The following NWD2 variants were observed in gnomAD, a reference collection of about 807,000 sequenced individuals.
The protein encoded by NWD2 is NACHT and WD repeat domain containing 2.
In NWD2, 37 loss-of-function variants were observed where a neutral mutation model predicts 132.7. The ratio of observed to expected loss-of-function variants is 0.28; its 90% CI spans 0.21 to 0.37. The LOEUF (loss-of-function observed/expected upper bound fraction) is 0.37, where lower values mean the gene tolerates loss of function less well. Among genes scored for constraint, NWD2 ranks in the 10% least tolerant of loss-of-function variants. NWD2 has a pLI of 1.00. For missense variants in NWD2, 1,592 were observed against 2,122.4 expected (o/e 0.75, Z 4.91); for synonymous variants, 705 against 803.0 (o/e 0.88, Z 2.06).
intron 1 of NWD2, among the ~76,000 whole-genome samples, chr4:37,261,895 C>T (rs899813088): frequency 6.6e-6 from 1 of 152,088 alleles, no homozygotes; most frequent in East Asian, 1.9e-4. Context: ...AAGGGCAGAA[C>T]CAACCAGATA....
At chr4:37,332,231 C>G (rs1014679671) in intron 2 of NWD2, among the ~76,000 whole-genome samples, 3 of 152,142 alleles carry the variant, frequency 2.0e-5, no homozygotes, top group Admixed American at 2.0e-4. Flanking sequence ...TGCACTACCC[C>G]TCCCCCAACC....
intron 3 of NWD2, among the ~76,000 whole-genome samples, chr4:37,371,394 G>C (rs970062011): frequency 6.6e-6 from 1 of 152,000 alleles, no homozygotes; most frequent in African/African-American, 2.4e-5. Context: ...AATATGTTAA[G>C]CAATAAGTAC....
chr4:37,387,411 A>G (rs1720584526), intron 3 of NWD2, among the ~76,000 whole-genome samples: 2 of 152,084 alleles, frequency 1.3e-5, no homozygotes, highest in Non-Finnish European at 2.9e-5. Flanking sequence ...CTTAGTAGCC[A>G]TTCGGGGCTA....
intron 1 of NWD2, among the ~76,000 whole-genome samples, chr4:37,285,895 A>G (rs1255326361): frequency 1.3e-5 from 2 of 152,242 alleles, no homozygotes; most frequent in African/African-American, 2.4e-5. Context: ...AGTGTCACTT[A>G]TACTGAAAAG....
chr4:37,399,007 T>C (rs926532231), intron 3 of NWD2, among the ~76,000 whole-genome samples: 3 of 152,244 alleles, frequency 2.0e-5, no homozygotes, highest in Non-Finnish European at 4.4e-5. Flanking sequence ...TTTCATCATA[T>C]GATAAAAACG....
rs779654195 is a variant in NWD2, at chr4:37,334,626, T to G, written c.240+8602T>G. Among the ~76,000 whole-genome samples the G allele has an allele frequency of 1.6e-3, 251 of 152,284 alleles. 2 individuals are homozygous for G. Among genetic ancestry groups the G allele is most frequent in the Non-Finnish European group, 5.3e-4 (36 of 68,030 alleles). On this transcript the variant is annotated intron_variant, in intron 2 of 6. Transcript: ENST00000309447. ...AAATCTGTCCCACATGGGCCGCTGG[T>G]ACACTGAGCCAAGATTGAATCCAGT... is the stretch of plus-strand genomic sequence containing the variant.
At chr4:37,361,019 A>G (rs575162752) in intron 3 of NWD2, among the ~76,000 whole-genome samples, 2 of 152,178 alleles carry the variant, frequency 1.3e-5, no homozygotes, top group Non-Finnish European at 2.9e-5. Context: ...CTCAGGGACT[A>G]TACAAAAGAT....
chr4:37,269,505 C>T (rs1717825753), intron 1 of NWD2, among the ~76,000 whole-genome samples: 2 of 151,882 alleles, frequency 1.3e-5, no homozygotes, highest in Admixed American at 6.6e-5. Flanking sequence ...ATGTGCTCTT[C>T]ACCTGTCATT....
chr4:37,358,916 T>G (rs1243802717), intron 3 of NWD2, among the ~76,000 whole-genome samples: 2 of 152,130 alleles, frequency 1.3e-5, no homozygotes, highest in African/African-American at 4.8e-5. Context: ...ACTCAAATAT[T>G]GGAAGACAGG....
chr4:37,374,821 T>C (rs1720311061), intron 3 of NWD2, among the ~76,000 whole-genome samples: 1 of 152,216 alleles, frequency 6.6e-6, no homozygotes, highest in Admixed American at 6.5e-5. Flanking sequence ...ATATATAGTA[T>C]TTTATAAACA....
chr4:37,380,551 G>T (rs1720432430), intron 3 of NWD2, among the ~76,000 whole-genome samples: 1 of 152,082 alleles, frequency 6.6e-6, no homozygotes, highest in African/African-American at 2.4e-5. Context: ...CTTAGCACAG[G>T]GTCTTACCCA....
intron 3 of NWD2, among the ~76,000 whole-genome samples, chr4:37,375,510 C>T (rs1307207200): frequency 2.0e-5 from 3 of 151,788 alleles, no homozygotes; most frequent in African/African-American, 7.3e-5. Context: ...CCCAAGGTTG[C>T]CAAGCAAGCA....
intron 3 of NWD2, among the ~76,000 whole-genome samples, chr4:37,401,159 T>A (rs141049525): frequency 3.3e-5 from 5 of 152,304 alleles, no homozygotes; most frequent in Non-Finnish European, 7.4e-5. Flanking sequence ...ATTTTTCACT[T>A]ATCCAGTCCC....
intron 1 of NWD2, among the ~76,000 whole-genome samples, chr4:37,297,479 G>A (rs1225106677): frequency 1.3e-5 from 2 of 152,062 alleles, no homozygotes; most frequent in Admixed American, 6.6e-5. Context: ...ATGCTTCAAT[G>A]TATATTTTCT....
chr4:37,390,487 A>G (rs1720661840), intron 3 of NWD2, among the ~76,000 whole-genome samples: 1 of 152,140 alleles, frequency 6.6e-6, no homozygotes, highest in Non-Finnish European at 1.5e-5. Context: ...ATAGTAAATC[A>G]GGGATGAATA....
chr4:37,362,904 A>AC (rs1291010569), intron 3 of NWD2, among the ~76,000 whole-genome samples: 1 of 152,208 alleles, frequency 6.6e-6, no homozygotes, highest in African/African-American at 2.4e-5. Context: ...ATGTTCAAAA[A>AC]CTATGCATCT....
chr4:37,255,408 T>C (rs1318480754), intron 1 of NWD2, among the ~76,000 whole-genome samples: 1 of 151,898 alleles, frequency 6.6e-6, no homozygotes, highest in Non-Finnish European at 1.5e-5. Flanking sequence ...GAAGAGTGAG[T>C]CCAGATCCAA....
At chr4:37,392,405 T>C (rs1334244171) in intron 3 of NWD2, among the ~76,000 whole-genome samples, 1 of 152,090 alleles carries the variant, frequency 6.6e-6, no homozygotes, top group Non-Finnish European at 1.5e-5. Flanking sequence ...TACTGACACC[T>C]TAGGCCAGAT....
chr4:37,369,715 T>C (rs956525814), intron 3 of NWD2, among the ~76,000 whole-genome samples: 8 of 152,046 alleles, frequency 5.3e-5, no homozygotes, highest in Admixed American at 1.3e-4. Context: ...GCAAAGAAAA[T>C]GCAAAAGGTA....
Sources: allele counts gnomAD v4.1 joint callset (sites outside exome capture counted in the v4.1 genomes callset), GRCh38; gene constraint gnomAD v4.1.1; transcripts MANE v1.5; gene names NCBI Gene and HGNC (gene_info 2026-07-23, HGNC 2026-07-21).